The following CSMD2 variants were observed in gnomAD, a reference collection of about 807,000 sequenced individuals.
The protein encoded by CSMD2 is CUB and Sushi multiple domains 2.
Under a neutral mutation model 398.5 loss-of-function variants are expected in CSMD2, and 130 were observed. That is an observed-to-expected ratio of 0.33 (90% CI 0.28 to 0.38). The LOEUF is 0.38. Among genes scored for constraint, CSMD2 ranks in the 10% least tolerant of loss-of-function variants. The pLI, the probability that CSMD2 is intolerant of heterozygous loss-of-function variation, is 1.00. For synonymous variants in CSMD2, 1,828 were observed against 1,908.5 expected (o/e 0.96, Z 1.10); for missense variants, 3,829 against 4,764.9 (o/e 0.80, Z 5.78).
intron 5 of CSMD2, among the ~76,000 whole-genome samples, chr1:33,852,292 AT>A (rs1367254527): frequency 1.3e-5 from 2 of 152,158 alleles, no homozygotes; most frequent in African/African-American, 4.8e-5. Flanking sequence ...TTTGTGGGGA[AT>A]TTTGATCAAA....
At chr1:33,980,548 T>C (rs1383227332) in intron 3 of CSMD2, among the ~76,000 whole-genome samples, 3 of 152,168 alleles carry the variant, frequency 2.0e-5, no homozygotes, top group Non-Finnish European at 4.4e-5. Flanking sequence ...AGCACTCAAT[T>C]AAGACAGTTG....
At chr1:34,153,900 T>C (rs753102992) in intron 1 of CSMD2, among the ~76,000 whole-genome samples, 3 of 152,114 alleles carry the variant, frequency 2.0e-5, no homozygotes, top group Admixed American at 6.5e-5. Flanking sequence ...TCTGACTATA[T>C]CAAAAGGAAG....
chr1:34,140,349 G>A (rs531381121), intron 1 of CSMD2, among the ~76,000 whole-genome samples: 475 of 3,492 alleles, frequency 0.14, 3 homozygotes, highest in Middle Eastern at 0.5. Context: ...AGAAAGCATG[G>A]CCCTGTGAGC....
At chr1:33,848,261 G>T (rs966533783) in intron 5 of CSMD2, among the ~76,000 whole-genome samples, 1 of 152,186 alleles carries the variant, frequency 6.6e-6, no homozygotes, top group Non-Finnish European at 1.5e-5. Flanking sequence ...AGAGAAAATA[G>T]TTATCTCCAA....
intron 1 of CSMD2, among the ~76,000 whole-genome samples, chr1:34,093,409 A>G (rs982282298): frequency 3.3e-5 from 5 of 152,368 alleles, no homozygotes; most frequent in African/African-American, 1.2e-4. Context: ...CTGGACGGAG[A>G]ATGACTTTGA....
intron 68 of CSMD2, 90 bp from the exon 69 acceptor site, chr1:33,520,040 C>A: frequency 2.7e-6 from 4 of 1,479,738 alleles, no homozygotes; most frequent in South Asian, 1.2e-5. Flanking sequence ...TCTTGGGAAG[C>A]AGGGCTGCCA....
At chr1:34,081,544 G>C (rs1012368334) in intron 2 of CSMD2, among the ~76,000 whole-genome samples, 1 of 152,136 alleles carries the variant, frequency 6.6e-6, no homozygotes. Context: ...TCGGCCTGCC[G>C]AGTGCCTGGG....
chr1:34,045,038 T>TACACACACACAC (rs10588687), intron 2 of CSMD2, among the ~76,000 whole-genome samples: 4 of 142,718 alleles, frequency 2.8e-5, no homozygotes, highest in East Asian at 4.1e-4. Flanking sequence ...TCACACACCA[T>TACACACACACAC]ACACACACAC....
chr1:33,647,238 G>A (rs982217440), intron 28 of CSMD2, among the ~76,000 whole-genome samples: 1 of 152,204 alleles, frequency 6.6e-6, no homozygotes, highest in Admixed American at 6.5e-5. Context: ...TTTTCTAAGA[G>A]AGAATGAGCC....
intron 6 of CSMD2, among the ~76,000 whole-genome samples, chr1:33,842,140 T>C (rs893378578): frequency 3.3e-5 from 5 of 152,156 alleles, no homozygotes; most frequent in African/African-American, 4.8e-5. Context: ...CTAAAACCAC[T>C]TAAGCTAGAT....
chr1:33,584,139 G>T (rs1009680912), intron 46 of CSMD2, among the ~76,000 whole-genome samples: 1 of 152,142 alleles, frequency 6.6e-6, no homozygotes, highest in Non-Finnish European at 1.5e-5. Context: ...CAACAGTAAG[G>T]CTTCCCCAGA....
intron 1 of CSMD2, among the ~76,000 whole-genome samples, chr1:34,106,711 T>C (rs969383975): frequency 6.6e-6 from 1 of 152,158 alleles, no homozygotes; most frequent in Non-Finnish European, 1.5e-5. Context: ...GTCTCCTTTT[T>C]CCTCTCAAGC....
chr1:33,701,580 A>T (rs547395008), intron 22 of CSMD2, among the ~76,000 whole-genome samples: 1 of 152,258 alleles, frequency 6.6e-6, no homozygotes, highest in African/African-American at 2.4e-5. Flanking sequence ...AATTGGCACA[A>T]TATTTCCATT....
chr1:34,109,956 G>C (rs1274413553), intron 1 of CSMD2, among the ~76,000 whole-genome samples: 1 of 150,844 alleles, frequency 6.6e-6, no homozygotes, highest in African/African-American at 2.4e-5. Flanking sequence ...CAGGAGAATC[G>C]GGTGAACCCA....
intron 10 of CSMD2, among the ~76,000 whole-genome samples, chr1:33,808,364 T>C (rs1025934350): frequency 6.6e-6 from 1 of 152,050 alleles, no homozygotes; most frequent in Non-Finnish European, 1.5e-5. Context: ...TGACCATTTC[T>C]GGTCCTAAAA....
Position 33,820,564 on chromosome 1 carries a change from GCAAAA to G in CSMD2, c.1112-13_1112-9del. ...ACACACCAACCTGAGTTACTACAAGGCAAAAAAAAAAAAAAAAAAAAAAACAGCAC... is the reference window on the plus strand; with the variant it reads ...ACACACCAACCTGAGTTACTACAAGGAAAAAAAAAAAAAAAAAAACAGCAC... On this transcript the variant is annotated splice_polypyrimidine_tract_variant and intron_variant, in intron 7 of 70. Transcript: ENST00000373381. 1.9e-5 allele frequency: 9 copies of G among 479,388 alleles called. No homozygotes were observed. The highest frequency in any genetic ancestry group is 1.8e-4 in the Admixed American group (3 of 16,232). The allele number at this position is 479,388 out of a possible 1,614,324, so 29.7% of individuals were successfully genotyped here.
chr1:33,550,112 G>T, intron 56 of CSMD2, 65 bp downstream of exon 56: 1 of 1,521,484 alleles, frequency 6.6e-7, no homozygotes, highest in Non-Finnish European at 9.0e-7. Flanking sequence ...CACCTTGGGG[G>T]CTCGTCTACC....
At chr1:34,083,180 T>C (rs1276195233) in intron 2 of CSMD2, among the ~76,000 whole-genome samples, 1 of 151,386 alleles carries the variant, frequency 6.6e-6, no homozygotes, top group Non-Finnish European at 1.5e-5. Context: ...GAGGTGGTAT[T>C]TGATGAAGAA....
rs370936780 is a variant in CSMD2, at chr1:33,834,523, C to T, written c.1034-8749G>A. On this transcript the variant is annotated intron_variant, in intron 6 of 70. Transcript: ENST00000373381. ...ATCCAAGATGGATTAAAGACTTAAACGTTAGACCTAAAACCATAAAAACCC... is the reference window on the plus strand; with the variant it reads ...ATCCAAGATGGATTAAAGACTTAAATGTTAGACCTAAAACCATAAAAACCC... Among the ~76,000 whole-genome samples, 190 of 51,642 alleles carry T rather than the reference C, an allele frequency of 3.7e-3. 54 individuals carry two copies. Among genetic ancestry groups the T allele is most frequent in the Non-Finnish European group, 4.6e-3 (156 of 34,008 alleles). The allele number at this position is 51,642 out of a possible 152,430, so 33.9% of individuals were successfully genotyped here.
Sources: allele counts gnomAD v4.1 joint callset (sites outside exome capture counted in the v4.1 genomes callset), GRCh38; gene constraint gnomAD v4.1.1; transcripts MANE v1.5; gene names NCBI Gene and HGNC (gene_info 2026-07-23, HGNC 2026-07-21).